The following STK3 variants were observed in gnomAD, a reference collection of about 807,000 sequenced individuals.
The protein encoded by STK3 is serine/threonine kinase 3, also known as serine/threonine-protein kinase 3.
Under a neutral mutation model 58.0 loss-of-function variants are expected in STK3, and 41 were observed. The observed-to-expected ratio is 0.71, with a 90% CI of 0.55 to 0.92. STK3 has a LOEUF of 0.92. Ranked by LOEUF, STK3 falls within the 40% of genes least tolerant of loss-of-function variation. The probability of loss-of-function intolerance (pLI) is 0.00; values close to 1 mark genes in which losing one functional copy is unlikely to be tolerated. For synonymous variants in STK3, 170 were observed against 191.0 expected, an observed-to-expected ratio of 0.89 and a Z score of 0.91; for missense variants, 479 against 602.7, an observed-to-expected ratio of 0.79 and a Z score of 2.15.
chr8:98,742,145 C>T (rs1347283547), intron 4 of STK3, among the ~76,000 whole-genome samples: 1 of 151,856 alleles, frequency 6.6e-6, no homozygotes, highest in East Asian at 1.9e-4. Context: ...CGAATTCTAC[C>T]AGAGGTACAA....
chr8:98,584,298 T>A (rs1184687641), intron 7 of STK3, among the ~76,000 whole-genome samples: 2 of 150,806 alleles, frequency 1.3e-5, no homozygotes, highest in Admixed American at 6.6e-5. Flanking sequence ...CCTTCCTGTG[T>A]CCATGTGATC....
intron 10 of STK3, chr8:98,463,059 T>C (rs940116957): frequency 3.4e-4 from 51 of 152,202 alleles, no homozygotes; most frequent in Non-Finnish European, 4.9e-4. Context: ...ACCGTCTCAA[T>C]TGTTTTGAAC....
At chr8:98,745,448 A>G (rs990406092) in intron 4 of STK3, among the ~76,000 whole-genome samples, 1 of 152,212 alleles carries the variant, frequency 6.6e-6, no homozygotes, top group African/African-American at 2.4e-5. Context: ...GATAAACTAG[A>G]TAATTCAGAC....
intron 3 of STK3, among the ~76,000 whole-genome samples, chr8:98,410,734 C>T (rs890374488): frequency 1.3e-5 from 2 of 152,154 alleles, no homozygotes; most frequent in African/African-American, 4.8e-5. Context: ...CTTTCTTCAC[C>T]TCCAGAAAGT....
intron 6 of STK3, among the ~76,000 whole-genome samples, chr8:98,698,691 C>A (rs2131011081): frequency 6.6e-6 from 1 of 152,216 alleles, no homozygotes; most frequent in Admixed American, 6.5e-5. Context: ...GAATATTGGC[C>A]CCCACTGTCT....
chr8:98,488,514 C>G (rs1822445544), intron 10 of STK3, among the ~76,000 whole-genome samples: 1 of 152,106 alleles, frequency 6.6e-6, no homozygotes, highest in Admixed American at 6.5e-5. Flanking sequence ...AGAGTTTATT[C>G]TTTTCCTGCT....
chr8:98,884,996 G>T (rs977893131), intron 1 of STK3, among the ~76,000 whole-genome samples: 2 of 152,212 alleles, frequency 1.3e-5, no homozygotes, highest in African/African-American at 4.8e-5. Context: ...TCCCCGTGTG[G>T]TTGGGCATGG....
chr8:98,662,428 G>A (rs1369818025), intron 6 of STK3, among the ~76,000 whole-genome samples: 1 of 152,066 alleles, frequency 6.6e-6, no homozygotes, highest in African/African-American at 2.4e-5. Context: ...AAGTAATCTT[G>A]CAGCAAATTA....
chr8:98,683,810 T>C (rs994773381), intron 6 of STK3, among the ~76,000 whole-genome samples: 1 of 152,156 alleles, frequency 6.6e-6, no homozygotes, highest in Non-Finnish European at 1.5e-5. Flanking sequence ...TAATATGCTA[T>C]GATAAAGAAA....
chr8:98,927,331 T>C (rs371277412), intron 1 of STK3, among the ~76,000 whole-genome samples: 172 of 152,348 alleles, frequency 1.1e-3, no homozygotes, highest in Middle Eastern at 6.8e-3. Context: ...CTGTGATTCA[T>C]TGTGGTTTGG....
chr8:98,454,257 C>T (rs778994687), downstream of STK3, among the ~76,000 whole-genome samples: 1 of 152,206 alleles, frequency 6.6e-6, no homozygotes, highest in Non-Finnish European at 1.5e-5. Flanking sequence ...CTCTTCCTGA[C>T]TCCCTCGAAG....
intron 3 of STK3, among the ~76,000 whole-genome samples, chr8:98,419,737 A>C (rs1818149777): frequency 6.6e-6 from 1 of 152,162 alleles, no homozygotes; most frequent in Admixed American, 6.5e-5. Context: ...CAGGGACCCC[A>C]GTTTCTATGA....
chr8:98,848,424 T>C (rs1329759259), intron 3 of STK3, among the ~76,000 whole-genome samples: 1 of 152,038 alleles, frequency 6.6e-6, no homozygotes, highest in Admixed American at 6.6e-5. Context: ...TAATTTTGTA[T>C]TTTTAGTAGA....
Position 98,774,799 on chromosome 8 carries a change from T to C in STK3, c.47A>G (p.Glu16Gly). 6.4e-7 allele frequency: 1 copy of C among 1,569,906 alleles called. No homozygotes were observed. The highest frequency in any genetic ancestry group is 8.6e-7 in the Non-Finnish European group (1 of 1,161,316). ...APKSKLKKLS[E>G]DSLTKQPEEV... is the part of the protein sequence containing the mutation. ...TTCAGGCTGCTTAGTCAAACTGTCT[T>C]CACTCAGCTTTTTTAGTTTACTGAT... The change falls in exon 2 of 11, where the codon GAA (glutamate) becomes GGA (glycine). Residue 16 changes from glutamate to glycine, a missense_variant. This residue lies in a region of STK3 where 44 missense variants were observed against 37.0 expected (regional missense o/e 1.19). Transcript: ENST00000419617.
chr8:98,812,303 G>A (rs1690697573), intron 1 of STK3, among the ~76,000 whole-genome samples: 1 of 152,118 alleles, frequency 6.6e-6, no homozygotes, highest in Non-Finnish European at 1.5e-5. Flanking sequence ...ACCATCACTG[G>A]CCATCAGAGA....
intron 8 of STK3, among the ~76,000 whole-genome samples, chr8:98,554,121 C>G (rs1308261799): frequency 6.6e-6 from 1 of 152,080 alleles, no homozygotes. Flanking sequence ...TAAGACCTAC[C>G]TTCTAATTAT....
chr8:98,694,842 T>G (rs1456979157), intron 6 of STK3, among the ~76,000 whole-genome samples: 6 of 152,214 alleles, frequency 3.9e-5, no homozygotes, highest in Non-Finnish European at 8.8e-5. Context: ...GTAGCATGAT[T>G]TATAGTCCTT....
intron 10 of STK3, among the ~76,000 whole-genome samples, chr8:98,492,738 C>G (rs1157418017): frequency 6.6e-6 from 1 of 151,894 alleles, no homozygotes; most frequent in Non-Finnish European, 1.5e-5. Flanking sequence ...CAGGTGTCAC[C>G]CACACCCTGA....
intron 4 of STK3, among the ~76,000 whole-genome samples, chr8:98,740,576 A>T (rs1329640793): frequency 6.6e-6 from 1 of 152,320 alleles, no homozygotes; most frequent in East Asian, 1.9e-4. Context: ...GCGTGCCCTA[A>T]AAGAGCTCCT....
Sources: gnomAD v4.1 joint callset for allele counts (sites outside exome capture counted in the v4.1 genomes callset) on GRCh38, gnomAD v4.1.1 for gene constraint, gnomAD v4.1.1 regional missense constraint, MANE v1.5 for transcripts, NCBI Gene and HGNC (gene_info 2026-07-23, HGNC 2026-07-21) for gene names.